Variants in DPP10 observed in about 807,000 individuals in gnomAD.
DPP10 encodes inactive dipeptidyl peptidase 10.
DPP10 carries 33 observed loss-of-function variants against 120.9 expected under a neutral mutation model. The ratio of observed to expected loss-of-function variants is 0.27; its 90% CI spans 0.21 to 0.37. The LOEUF is 0.37. Ranked by LOEUF, DPP10 falls within the 10% of genes least tolerant of loss-of-function variation. DPP10 has a pLI of 1.00. For missense variants in DPP10, 816 were observed against 942.8 expected, an observed-to-expected ratio of 0.87 and a Z score of 1.76; for synonymous variants, 337 against 326.1, an observed-to-expected ratio of 1.03 and a Z score of -0.36.
intron 1 of DPP10, among the ~76,000 whole-genome samples, chr2:115,114,410 C>G (rs2049392499): frequency 6.6e-6 from 1 of 152,192 alleles, no homozygotes; most frequent in Non-Finnish European, 1.5e-5. Context: ...AATTCCTAGT[C>G]ATGCCCATTC....
At chr2:115,782,874 C>A (rs1028886148) in intron 17 of DPP10, among the ~76,000 whole-genome samples, 2 of 151,904 alleles carry the variant, frequency 1.3e-5, no homozygotes, top group African/African-American at 4.8e-5. Flanking sequence ...TGAATTTATT[C>A]ATTTGTATAT....
At chr2:115,120,500 C>G (rs1412166123) in intron 1 of DPP10, among the ~76,000 whole-genome samples, 1 of 152,094 alleles carries the variant, frequency 6.6e-6, no homozygotes, top group African/African-American at 2.4e-5. Flanking sequence ...GATGTCAAAA[C>G]ACAATAAAGT....
chr2:114,518,983 G>A (rs761930773), intron 1 of DPP10, among the ~76,000 whole-genome samples: 3 of 152,134 alleles, frequency 2.0e-5, no homozygotes, highest in Non-Finnish European at 4.4e-5. Context: ...TATCTGTTAG[G>A]CTTTAACTTA....
At chr2:115,091,880 T>C (rs1709294785) in intron 1 of DPP10, among the ~76,000 whole-genome samples, 1 of 152,194 alleles carries the variant, frequency 6.6e-6, no homozygotes, top group Admixed American at 6.5e-5. Flanking sequence ...AAATGTAAGC[T>C]GAAAATAGTC....
At position 115,098,468 on chromosome 2, in the gene DPP10, G is replaced by A. The variant is rs561895666; in HGVS notation, c.61-210771G>A. 2.0e-5 allele frequency among the ~76,000 whole-genome samples: 3 copies of A among 152,168 alleles called. No homozygotes were observed. In the East Asian group the frequency reaches 5.8e-4, roughly 29 times the overall value. On this transcript the variant is annotated intron_variant, in intron 1 of 25. Coordinates refer to ENST00000410059, the MANE Select transcript of DPP10 (RefSeq NM_020868.6). ...CTGTATAGCCTACTACACACCTAGG[G>A]TATATGGTATAGTCTACTGCTCCTG...
rs560708054 is a variant in DPP10, at chr2:114,577,458, C to T, written c.60+134620C>T. ...TGGGACCCACCGGACTCATGGGCTT[C>T]CAATAAGAGTAACCAGAGGGGTCCA... On this transcript the variant is annotated intron_variant, in intron 1 of 25. Coordinates refer to ENST00000410059, the MANE Select transcript of DPP10 (RefSeq NM_020868.6). 3.9e-5 allele frequency among the ~76,000 whole-genome samples: 6 copies of T among 152,296 alleles called. No individual in the cohort carries two copies. In the South Asian group the frequency reaches 1.2e-3, roughly 32 times the overall value.
intron 3 of DPP10, among the ~76,000 whole-genome samples, chr2:115,370,059 A>G (rs2065310034): frequency 6.6e-6 from 1 of 152,152 alleles, no homozygotes; most frequent in South Asian, 2.1e-4. Context: ...CCCTGCTTCA[A>G]CCAGAACAGT....
chr2:115,610,235 T>C lies in DPP10; in HGVS notation c.442-79452T>C, dbSNP rs931900008. Reference sequence around the variant, plus strand: ...GGCCTCAGTTCCCCTCACCCCCCCATGGACCTCACCTGCATAAGACTCAAG... The same window carrying C: ...GGCCTCAGTTCCCCTCACCCCCCCACGGACCTCACCTGCATAAGACTCAAG... On this transcript the variant is annotated intron_variant, in intron 5 of 25. Transcript: ENST00000410059. Among the ~76,000 whole-genome samples, 6 of 152,186 alleles carry C rather than the reference T, an allele frequency of 3.9e-5. No homozygotes were observed. In the East Asian group the frequency reaches 1.2e-3, roughly 29 times the overall value.
At chr2:114,549,519 G>A (rs1687695619) in intron 1 of DPP10, among the ~76,000 whole-genome samples, 1 of 151,856 alleles carries the variant, frequency 6.6e-6, no homozygotes, top group South Asian at 2.1e-4. Context: ...AAATTATCTG[G>A]GCATAGTGGT....
chr2:115,149,217 G>A (rs967481905), intron 1 of DPP10, among the ~76,000 whole-genome samples: 2 of 152,234 alleles, frequency 1.3e-5, no homozygotes, highest in Admixed American at 1.3e-4. Flanking sequence ...TCTTTCATCA[G>A]GAGGCAAATT....
chr2:115,047,379 T>C (rs1005967113), intron 1 of DPP10, among the ~76,000 whole-genome samples: 7 of 152,076 alleles, frequency 4.6e-5, no homozygotes, highest in Admixed American at 1.3e-4. Flanking sequence ...AAATTTTGAA[T>C]ATTTTAATCA....
intron 1 of DPP10, among the ~76,000 whole-genome samples, chr2:114,993,304 T>C (rs1021035353): frequency 1.3e-5 from 2 of 151,972 alleles, no homozygotes; most frequent in Non-Finnish European, 2.9e-5. Context: ...AGTGGGGCTG[T>C]GACTTACTTG....
At chr2:115,117,945 G>A (rs897304572) in intron 1 of DPP10, among the ~76,000 whole-genome samples, 3 of 152,116 alleles carry the variant, frequency 2.0e-5, no homozygotes, top group Non-Finnish European at 4.4e-5. Context: ...AAAATATCAG[G>A]ATATTAAGTA....
chr2:114,938,993 A>G lies in DPP10; in HGVS notation c.61-370246A>G, dbSNP rs967901490. 2.0e-5 allele frequency among the ~76,000 whole-genome samples: 3 copies of G among 152,190 alleles called. No homozygotes were observed. The South Asian group carries it at 6.2e-4, about 32-fold the overall frequency. On this transcript the variant is annotated intron_variant, in intron 1 of 25. Coordinates refer to ENST00000410059, the MANE Select transcript of DPP10 (RefSeq NM_020868.6). ...TCATTTACTTTCTAACTTTCCTGTCACTTCATATGTATATTTCCCATACTT... is the reference window on the plus strand; with the variant it reads ...TCATTTACTTTCTAACTTTCCTGTCGCTTCATATGTATATTTCCCATACTT...
At chr2:115,213,511 A>G (rs897542049) in intron 1 of DPP10, among the ~76,000 whole-genome samples, 4 of 152,064 alleles carry the variant, frequency 2.6e-5, no homozygotes, top group African/African-American at 9.7e-5. Flanking sequence ...TATACTGCTT[A>G]CCTTCGCTCT....
intron 1 of DPP10, among the ~76,000 whole-genome samples, chr2:115,000,311 A>T (rs1405296344): frequency 6.6e-6 from 1 of 152,194 alleles, no homozygotes; most frequent in Non-Finnish European, 1.5e-5. Context: ...ATAAAAAGAA[A>T]CAAACACGCA....
At chr2:115,351,916 G>A (rs2064060905) in intron 3 of DPP10, among the ~76,000 whole-genome samples, 1 of 152,010 alleles carries the variant, frequency 6.6e-6, no homozygotes, top group South Asian at 2.1e-4. Flanking sequence ...AAATCATACT[G>A]TGGCAATCTT....
intron 1 of DPP10, chr2:115,131,832 T>A (rs1204036480): frequency 6.6e-6 from 1 of 151,888 alleles, no homozygotes. Flanking sequence ...CTTACATTTG[T>A]AATACCAGCA....
intron 3 of DPP10, among the ~76,000 whole-genome samples, chr2:115,376,661 A>T (rs1237142539): frequency 6.7e-6 from 1 of 149,898 alleles, no homozygotes; most frequent in Non-Finnish European, 1.5e-5. Flanking sequence ...CTAACTCGTC[A>T]TCTAGCATTA....
Sources: allele counts gnomAD v4.1 joint callset (sites outside exome capture counted in the v4.1 genomes callset), GRCh38; gene constraint gnomAD v4.1.1; transcripts MANE v1.5; gene names NCBI Gene and HGNC (gene_info 2026-07-23, HGNC 2026-07-21).